UBQLN1: variants seen among roughly 807,000 people sequenced by gnomAD.
UBQLN1 encodes the protein ubiquilin 1.
A neutral mutation model predicts 65.4 loss-of-function variants in UBQLN1; 13 were observed. The observed-to-expected ratio is 0.20, with a 90% CI of 0.13 to 0.32. The LOEUF is 0.32. UBQLN1 is among the 10% of genes least tolerant of loss of function. The pLI, the probability that UBQLN1 is intolerant of heterozygous loss-of-function variation, is 1.00. For missense variants in UBQLN1, 561 were observed against 724.0 expected (o/e 0.77, Z 2.58); for synonymous variants, 267 against 247.8 (o/e 1.08, Z -0.73).
intron 1 of UBQLN1, among the ~76,000 whole-genome samples, chr9:83,691,828 A>C (rs761784302): frequency 6.6e-6 from 1 of 152,222 alleles, no homozygotes; most frequent in Non-Finnish European, 1.5e-5. Context: ...TTGAAGTATG[A>C]ATTTATGGCA....
intron 1 of UBQLN1, among the ~76,000 whole-genome samples, chr9:83,698,658 T>C (rs530520099): frequency 6.6e-6 from 1 of 152,266 alleles, no homozygotes; most frequent in South Asian, 2.1e-4. Flanking sequence ...CACACTTGTA[T>C]AATCCTAGCA....
At chr9:83,686,958 G>A (rs1832050801) in intron 1 of UBQLN1, among the ~76,000 whole-genome samples, 1 of 151,500 alleles carries the variant, frequency 6.6e-6, no homozygotes, top group East Asian at 1.9e-4. Context: ...GACACTTCTG[G>A]TCCCAAGTCT....
chr9:83,697,493 A>G (rs1249983992), intron 1 of UBQLN1, among the ~76,000 whole-genome samples: 2 of 130,436 alleles, frequency 1.5e-5, no homozygotes, highest in Non-Finnish European at 3.1e-5. Flanking sequence ...CGGAGGTTGC[A>G]GTGAGCTGAG....
In UBQLN1 at chr9:83,663,564, C is replaced by A. The variant is rs3818759; in HGVS notation, c.1617+311G>T. 5.1e-3 allele frequency among the ~76,000 whole-genome samples: 779 copies of A among 152,148 alleles called. 20 individuals carry two copies. In the East Asian group the frequency reaches 0.079, roughly 15 times the overall value. On this transcript the variant is annotated intron_variant, in intron 10 of 10. Transcript: ENST00000376395. ...CCTAAGAACTTTTTTAAAGCAAAAT[C>A]TATTTCAAATGATTTTCAAATAGGA...
At chr9:83,693,837 G>A (rs532155703) in intron 1 of UBQLN1, among the ~76,000 whole-genome samples, 38 of 152,272 alleles carry the variant, frequency 2.5e-4, no homozygotes, top group African/African-American at 7.5e-4. Context: ...CTACATACTA[G>A]TTGTGTGACC....
At chr9:83,670,966 T>C (rs539874132) in intron 6 of UBQLN1, among the ~76,000 whole-genome samples, 2 of 152,276 alleles carry the variant, frequency 1.3e-5, no homozygotes, top group African/African-American at 4.8e-5. Flanking sequence ...ACCTCTTTTT[T>C]TCTTTTTAAA....
chr9:83,706,237 A>C (rs1832403989), intron 1 of UBQLN1, among the ~76,000 whole-genome samples: 1 of 152,242 alleles, frequency 6.6e-6, no homozygotes, highest in African/African-American at 2.4e-5. Context: ...ATTGCTCCCC[A>C]AAATTAAATG....
intron 6 of UBQLN1, among the ~76,000 whole-genome samples, chr9:83,673,877 C>G (rs879783326): frequency 2.6e-5 from 4 of 152,110 alleles, no homozygotes; most frequent in Non-Finnish European, 5.9e-5. Context: ...TCACAGCTCA[C>G]TGCAGCCTTA....
chr9:83,674,091 G>A (rs1831786287), intron 6 of UBQLN1, among the ~76,000 whole-genome samples: 1 of 151,910 alleles, frequency 6.6e-6, no homozygotes, highest in Admixed American at 6.6e-5. Flanking sequence ...GAGCCACCAT[G>A]CCACACCTGG....
At chr9:83,669,589 G>C (rs1587640223) in intron 6 of UBQLN1, among the ~76,000 whole-genome samples, 1 of 152,282 alleles carries the variant, frequency 6.6e-6, no homozygotes. Flanking sequence ...GCTAGCTTCT[G>C]AAGTCAACTT....
chr9:83,696,461 A>C (rs1832217412), intron 1 of UBQLN1, among the ~76,000 whole-genome samples: 1 of 152,200 alleles, frequency 6.6e-6, no homozygotes, highest in South Asian at 2.1e-4. Context: ...ACAAACAAAA[A>C]AATTTTAAAA....
chr9:83,707,528 G>C lies in UBQLN1; in HGVS notation c.152C>G (p.Ala51Gly). Residue 51 changes from alanine (A) to glycine (G), a missense_variant, in exon 1 of 11, where the codon GCC (alanine) becomes GGC (glycine). Physicochemically the swap from Ala to Gly is moderately conservative, Grantham distance 60 (BLOSUM62 0). Coordinates refer to ENST00000376395, the MANE Select transcript of UBQLN1 (RefSeq NM_013438.5). ...VKTPKEKEEF[A>G]VPENSSVQQF... ...CTGGACGGAGCTATTCTCGGGCACG[G>C]CGAATTCCTCCTTTTCCTTCGGGGT... 6.2e-7 allele frequency: 1 copy of C among 1,611,338 alleles called. No homozygotes were observed.
At chr9:83,707,304 G>GCGCCGCCA (rs1832428224) in intron 1 of UBQLN1, among the ~76,000 whole-genome samples, 196 bp downstream of exon 1, 2 of 152,136 alleles carry the variant, frequency 1.3e-5, no homozygotes, top group South Asian at 4.1e-4. Flanking sequence ...CAAACAGGCC[G>GCGCCGCCA]CGCCGCCACG....
chr9:83,691,125 G>C (rs999996902), intron 1 of UBQLN1, among the ~76,000 whole-genome samples: 2 of 151,548 alleles, frequency 1.3e-5, no homozygotes, highest in Non-Finnish European at 2.9e-5. Context: ...GTGACAGAGA[G>C]GCACTCGTCT....
chr9:83,678,084 C>A, intron 5 of UBQLN1, 123 bp from the exon 6 acceptor site: 1 of 734,866 alleles, frequency 1.4e-6, no homozygotes, highest in South Asian at 2.0e-5. Context: ...TGCAGTGGCG[C>A]GATCTCGGCT....
At chr9:83,701,709 T>C (rs1832312335) in intron 1 of UBQLN1, among the ~76,000 whole-genome samples, 1 of 152,078 alleles carries the variant, frequency 6.6e-6, no homozygotes, top group Non-Finnish European at 1.5e-5. Flanking sequence ...CCTCATGCAT[T>C]GCTAGTGGAA....
At chr9:83,687,858 T>C (rs577098172) in intron 1 of UBQLN1, among the ~76,000 whole-genome samples, 1 of 152,186 alleles carries the variant, frequency 6.6e-6, no homozygotes, top group Non-Finnish European at 1.5e-5. Flanking sequence ...CAAAAAAGCA[T>C]AAAGATAACA....
At chr9:83,676,021 C>T (rs941183282) in intron 6 of UBQLN1, among the ~76,000 whole-genome samples, 1 of 151,968 alleles carries the variant, frequency 6.6e-6, no homozygotes, top group Admixed American at 6.5e-5. Context: ...GCCAGTAATA[C>T]CTGAAGTATT....
chr9:83,688,811 A>G (rs1308668154), intron 1 of UBQLN1, among the ~76,000 whole-genome samples: 2 of 151,956 alleles, frequency 1.3e-5, no homozygotes, highest in African/African-American at 2.4e-5. Context: ...CAGTGAGCCG[A>G]GATTGCACCA....
Sources: gnomAD v4.1 joint callset for allele counts (sites outside exome capture counted in the v4.1 genomes callset) on GRCh38, gnomAD v4.1.1 for gene constraint, MANE v1.5 for transcripts, NCBI Gene and HGNC (gene_info 2026-07-23, HGNC 2026-07-21) for gene names.